ZNF69: variants seen among roughly 807,000 people sequenced by gnomAD.
ZNF69 encodes the protein ZNF3.
In ZNF69, 47 loss-of-function variants were observed where a neutral mutation model predicts 50.9. The observed-to-expected ratio is 0.92, with a 90% CI of 0.73 to 1.18. ZNF69 has a LOEUF of 1.18. Among genes scored for constraint, ZNF69 ranks in the 50% most tolerant of loss-of-function variants. The pLI is 0.00. For missense variants in ZNF69, 717 were observed against 675.1 expected, an observed-to-expected ratio of 1.06 and a Z score of -0.69; for synonymous variants, 216 against 223.1, an observed-to-expected ratio of 0.97 and a Z score of 0.29.
chr19:11,925,325 A>T, the ZNF69 span: 1 of 1,602,054 alleles, frequency 6.2e-7, no homozygotes, highest in South Asian at 1.1e-5. Context: ...TGCCTGGAAC[A>T]GGCGGGAACC....
At chr19:11,921,050 T>C in the ZNF69 span, among the ~76,000 whole-genome samples, 2 of 152,190 alleles carry the variant, frequency 1.3e-5, no homozygotes, top group Non-Finnish European at 2.9e-5. Context: ...CCTGCAGAGC[T>C]GTGTCCCAGT....
At chr19:11,971,914 T>A in the ZNF69 span, among the ~76,000 whole-genome samples, 1 of 151,942 alleles carries the variant, frequency 6.6e-6, no homozygotes, top group Admixed American at 6.6e-5. Flanking sequence ...AATACAAAAT[T>A]AGCCAGGCGT....
the ZNF69 span, chr19:11,950,301 C>G: frequency 6.4e-7 from 1 of 1,561,804 alleles, no homozygotes; most frequent in South Asian, 1.2e-5. Context: ...GAAGGAAGCA[C>G]TATGAATGCA....
the ZNF69 span, among the ~76,000 whole-genome samples, chr19:11,959,443 T>A: frequency 6.6e-6 from 1 of 152,218 alleles, no homozygotes; most frequent in Non-Finnish European, 1.5e-5. Context: ...TTTGATTCTT[T>A]TTGTTATTCT....
At chr19:11,902,582 G>T (rs528024985) in intron 1 of ZNF69, among the ~76,000 whole-genome samples, 1 of 150,924 alleles carries the variant, frequency 6.6e-6, no homozygotes, top group Admixed American at 6.6e-5. Context: ...TGATTCCTGG[G>T]CATCATAATG....
the ZNF69 span, among the ~76,000 whole-genome samples, chr19:11,941,012 C>G: frequency 6.6e-6 from 1 of 151,818 alleles, no homozygotes; most frequent in Non-Finnish European, 1.5e-5. Context: ...ATTTACAATC[C>G]CTGAGCTAGA....
the ZNF69 span, chr19:11,950,130 A>G: frequency 1.2e-6 from 2 of 1,614,146 alleles, no homozygotes; most frequent in Middle Eastern, 1.6e-4. Flanking sequence ...TTGGAGAGAA[A>G]CACTATGAAT....
At chr19:11,954,979 G>C in the ZNF69 span, among the ~76,000 whole-genome samples, 1 of 145,072 alleles carries the variant, frequency 6.9e-6, no homozygotes, top group Admixed American at 6.9e-5. Context: ...GTCTTATATA[G>C]AGTTTGTTTC....
intron 1 of ZNF69, among the ~76,000 whole-genome samples, chr19:11,893,305 C>G (rs1977141217): frequency 6.6e-6 from 1 of 152,304 alleles, no homozygotes; most frequent in African/African-American, 2.4e-5. Flanking sequence ...AGTTCGGTCT[C>G]ATTGTTTTTT....
the ZNF69 span, among the ~76,000 whole-genome samples, chr19:11,944,439 A>T: frequency 6.6e-6 from 1 of 152,158 alleles, no homozygotes; most frequent in African/African-American, 2.4e-5. Flanking sequence ...TGAGGTTGGT[A>T]GGCAGCATGC....
chr19:11,979,734 C>T, the ZNF69 span: 1 of 1,595,950 alleles, frequency 6.3e-7, no homozygotes, highest in Non-Finnish European at 8.6e-7. Context: ...TGTGGGAAAG[C>T]CTTCAGATCT....
At chr19:11,969,935 G>A in the ZNF69 span, among the ~76,000 whole-genome samples, 2 of 152,072 alleles carry the variant, frequency 1.3e-5, no homozygotes, top group South Asian at 2.1e-4. Flanking sequence ...CCTGGTTTTG[G>A]GTTTTAGAAT....
At chr19:11,919,697 G>A in the ZNF69 span, among the ~76,000 whole-genome samples, 1 of 152,074 alleles carries the variant, frequency 6.6e-6, no homozygotes, top group African/African-American at 2.4e-5. Flanking sequence ...TCTCACAATG[G>A]GATGAGTAAG....
chr19:11,977,298 T>C, the ZNF69 span: 1 of 1,605,926 alleles, frequency 6.2e-7, no homozygotes, highest in Non-Finnish European at 8.5e-7. Flanking sequence ...CAGTAAATCA[T>C]AGACATAGAA....
At chr19:11,950,189 A>G in the ZNF69 span, 20 of 1,613,858 alleles carry the variant, frequency 1.2e-5, no homozygotes, top group Non-Finnish European at 1.7e-5. Flanking sequence ...TTGCATATAC[A>G]CGCAAGGACT....
intron 1 of ZNF69, among the ~76,000 whole-genome samples, chr19:11,897,924 G>C (rs1972162986): frequency 6.6e-6 from 1 of 150,944 alleles, no homozygotes; most frequent in Non-Finnish European, 1.5e-5. Flanking sequence ...AGTTTCAATA[G>C]AGTGTGCTCT....
chr19:11,976,045 C>T, the ZNF69 span, among the ~76,000 whole-genome samples: 1 of 146,854 alleles, frequency 6.8e-6, no homozygotes, highest in African/African-American at 2.5e-5. Context: ...GTCTCCCCTC[C>T]TCTCTGCTTC....
At chr19:11,890,237 C>T (rs566386930) in intron 1 of ZNF69, among the ~76,000 whole-genome samples, 2 of 152,296 alleles carry the variant, frequency 1.3e-5, no homozygotes, top group African/African-American at 2.4e-5. Flanking sequence ...CCCACGAGGC[C>T]GGATCTCAGG....
the ZNF69 span, chr19:11,946,751 T>C: frequency 6.5e-6 from 1 of 154,608 alleles, no homozygotes; most frequent in Admixed American, 6.5e-5. Flanking sequence ...TTGAAATTTT[T>C]TATAACATAG....
Sources: gnomAD v4.1 joint callset for allele counts (sites outside exome capture counted in the v4.1 genomes callset) on GRCh38, gnomAD v4.1.1 for gene constraint, MANE v1.5 for transcripts, NCBI Gene and HGNC (gene_info 2026-07-23, HGNC 2026-07-21) for gene names.